TMEM33: variants seen among roughly 807,000 people sequenced by gnomAD.
TMEM33 encodes transmembrane protein 33.
In TMEM33, 16 loss-of-function variants were observed where a neutral mutation model predicts 29.7. The observed-to-expected ratio is 0.54, with a 90% CI of 0.36 to 0.82. The LOEUF (loss-of-function observed/expected upper bound fraction) is 0.82, where lower values mean the gene tolerates loss of function less well. Among genes scored for constraint, TMEM33 ranks in the 40% least tolerant of loss-of-function variants. The pLI is 0.00. For synonymous variants in TMEM33, 112 were observed against 109.4 expected, an observed-to-expected ratio of 1.02 and a Z score of -0.15; for missense variants, 252 against 295.3, an observed-to-expected ratio of 0.85 and a Z score of 1.08.
intron 1 of TMEM33, among the ~76,000 whole-genome samples, chr4:41,937,818 TG>T (rs1712316095): frequency 6.6e-6 from 1 of 151,888 alleles, no homozygotes; most frequent in Non-Finnish European, 1.5e-5. Context: ...ACATAAGTAT[TG>T]GGGGGAAAGC....
upstream of TMEM33, chr4:41,935,354 G>C (rs1296190234): frequency 7.1e-6 from 7 of 979,142 alleles, no homozygotes; most frequent in East Asian, 5.2e-5. Context: ...GTTCCGGCAG[G>C]GTGCATCCGG....
intron 6 of TMEM33, chr4:41,953,661 T>C: frequency 4.6e-6 from 2 of 432,390 alleles, no homozygotes; most frequent in Non-Finnish European, 9.3e-6. Context: ...ATTGGCCTAA[T>C]TTCAGTATTG....
rs1256418207 is a variant in TMEM33, at chr4:41,950,154, G to A, written c.614+769G>A. ...CAGAAGAGTTTGAAGCAGAAAAATG[G>A]GGAAGCAGAGAAATTTTAGGGAATT... On this transcript the variant is annotated intron_variant, in intron 6 of 6. Coordinates refer to ENST00000504986, the MANE Select transcript of TMEM33 (RefSeq NM_018126.3). 2.0e-5 allele frequency among the ~76,000 whole-genome samples: 3 copies of A among 152,052 alleles called. No homozygotes were observed. The East Asian group carries it at 5.8e-4, about 29-fold the overall frequency.
rs1294765140 is a variant in TMEM33, at chr4:41,956,290, C to G, written c.*2091C>G. 1 of 152,164 alleles carries G rather than the reference C, an allele frequency of 6.6e-6. No homozygotes were observed. Among genetic ancestry groups the G allele is most frequent in the Non-Finnish European group, 1.5e-5 (1 of 68,052 alleles). 9.4% of individuals were successfully genotyped at this position (152,164 alleles called of 1,614,324 possible). ...TGCCGGGATTACAGGTGTGAGCCACCGCGCCCTGCCAAGAAGAGTTCTTTT... is the reference window on the plus strand; with the variant it reads ...TGCCGGGATTACAGGTGTGAGCCACGGCGCCCTGCCAAGAAGAGTTCTTTT... On this transcript the variant is annotated 3_prime_UTR_variant, in exon 7 of 7. Transcript: ENST00000504986.
At chr4:41,952,054 T>C (rs1367281171) in intron 6 of TMEM33, among the ~76,000 whole-genome samples, 1 of 152,118 alleles carries the variant, frequency 6.6e-6, no homozygotes, top group South Asian at 2.1e-4. Context: ...TGGAGACTAT[T>C]AGAGTAGTCT....
At position 41,957,066 on chromosome 4, in the gene TMEM33, G is replaced by A. The variant is rs1216556492; in HGVS notation, c.*2867G>A. The A allele has an allele frequency of 6.6e-6, 1 of 152,268 alleles. No individual in the cohort carries two copies. Among genetic ancestry groups the A allele is most frequent in the East Asian group, 1.9e-4 (1 of 5,190 alleles). 9.4% of individuals were successfully genotyped at this position (152,268 alleles called of 1,614,324 possible). A position where few individuals can be genotyped will look rare whatever the true frequency, so the allele number is the denominator to read the frequency against. On this transcript the variant is annotated 3_prime_UTR_variant, in exon 7 of 7. Transcript: ENST00000504986. ...AAGAAGTTCATTTAACATCCAGTGT[G>A]TCTAATTCTTCTGGAAGTGGTGTAG... is the stretch of plus-strand genomic sequence containing the variant.
At chr4:41,946,536 T>A (rs183402386) in intron 5 of TMEM33, among the ~76,000 whole-genome samples, 1 of 152,178 alleles carries the variant, frequency 6.6e-6, no homozygotes, top group Non-Finnish European at 1.5e-5. Context: ...TTCTGAGAAC[T>A]CCAGGACTGG....
chr4:41,958,700 CTTTTTTTTTTTTTT>C lies in TMEM33; in HGVS notation c.*4514_*4527del, dbSNP rs750862386. On this transcript the variant is annotated 3_prime_UTR_variant, in exon 7 of 7. Transcript: ENST00000504986. ...GTAGAGACAACTAGTTTCTCTCGCT[CTTTTTTTTTTTTTT>C]TTTTTTTTTTTTGAGACAGATTCTC... 1 of 93,786 alleles carries C rather than the reference CTTTTTTTTTTTTTT, an allele frequency of 1.1e-5. No individual in the cohort carries two copies. The highest frequency in any genetic ancestry group is 3.4e-4 in the South Asian group (1 of 2,940). The allele number at this position is 93,786 out of a possible 1,614,324, so 5.8% of individuals were successfully genotyped here. A position where few individuals can be genotyped will look rare whatever the true frequency, so the allele number is the denominator to read the frequency against.
chr4:41,945,913 G>A (rs1374785692), intron 5 of TMEM33, among the ~76,000 whole-genome samples: 2 of 144,634 alleles, frequency 1.4e-5, no homozygotes, highest in Middle Eastern at 3.8e-3. Flanking sequence ...GGAAGTTGCA[G>A]TGAGCCCATA....
chr4:41,949,947 G>C (rs186333943), intron 6 of TMEM33, among the ~76,000 whole-genome samples: 2 of 152,150 alleles, frequency 1.3e-5, no homozygotes, highest in African/African-American at 4.8e-5. Context: ...TTTATGTAGA[G>C]CTGTTTTGAC....
chr4:41,948,015 C>T (rs974486834), intron 5 of TMEM33, among the ~76,000 whole-genome samples: 3 of 151,986 alleles, frequency 2.0e-5, no homozygotes, highest in African/African-American at 2.4e-5. Flanking sequence ...AAAAAGATTG[C>T]GGTAATTTAT....
At chr4:41,935,634 T>C in intron 1 of TMEM33, 105 bp downstream of exon 1, 1 of 1,159,154 alleles carries the variant, frequency 8.6e-7, no homozygotes, top group African/African-American at 1.5e-5. Context: ...CATTCAGGAA[T>C]GGGATTAATG....
chr4:41,951,168 C>G (rs1713023308), intron 6 of TMEM33, among the ~76,000 whole-genome samples: 1 of 152,134 alleles, frequency 6.6e-6, no homozygotes. Context: ...TTTTGGATCT[C>G]TAGTGCAGAT....
chr4:41,946,314 T>C (rs1461515608), intron 5 of TMEM33, among the ~76,000 whole-genome samples: 1 of 152,078 alleles, frequency 6.6e-6, no homozygotes, highest in East Asian at 1.9e-4. Context: ...TATTACCTGT[T>C]TTTCATAATT....
At position 41,935,646 on chromosome 4, in the gene TMEM33, G is replaced by A. The variant is rs192743679; in HGVS notation, c.45+117G>A. On this transcript the variant is annotated intron_variant, in intron 1 of 6. Transcript: ENST00000504986. ...GTGCATTCAGGAATGGGATTAATGA[G>A]TTGGGGTGGGGAAGTTGGAGCGGGG... The A allele has an allele frequency of 8.9e-4, 937 of 1,047,942 alleles. 11 individuals carry two copies. The East Asian group carries it at 0.011, about 12-fold the overall frequency. The allele number at this position is 1,047,942 out of a possible 1,614,324, so 64.9% of individuals were successfully genotyped here.
In TMEM33 at chr4:41,955,526, C is replaced by T. The variant is rs556691026; in HGVS notation, c.*1327C>T. The T allele has an allele frequency of 1.3e-5, 2 of 152,708 alleles. No individual in the cohort carries two copies. The highest frequency in any genetic ancestry group is 1.9e-4 in the East Asian group (1 of 5,186). 9.5% of individuals were successfully genotyped at this position (152,708 alleles called of 1,614,324 possible). A position where few individuals can be genotyped will look rare whatever the true frequency, so the allele number is the denominator to read the frequency against. ...GCATGTAATTTGGATTTCTCAAATA[C>T]ATTCATTAGTAATTTATCAGTAACA... On this transcript the variant is annotated 3_prime_UTR_variant, in exon 7 of 7. Transcript: ENST00000504986.
At chr4:41,950,383 G>T (rs898145081) in intron 6 of TMEM33, among the ~76,000 whole-genome samples, 1 of 152,092 alleles carries the variant, frequency 6.6e-6, no homozygotes, top group Admixed American at 6.6e-5. Flanking sequence ...ACAGTAAAAA[G>T]AACTTGAATT....
chr4:41,943,957 T>C (rs897013154), intron 4 of TMEM33, 143 bp downstream of exon 4: 5 of 708,048 alleles, frequency 7.1e-6, no homozygotes, highest in Non-Finnish European at 1.2e-5. Flanking sequence ...TTTGAAAGTT[T>C]TAAGTTTAAA....
chr4:41,946,531 A>G (rs928210632), intron 5 of TMEM33, among the ~76,000 whole-genome samples: 1 of 152,188 alleles, frequency 6.6e-6, no homozygotes. Context: ...CTTTCTTCTG[A>G]GAACTCCAGG....
Sources: allele counts gnomAD v4.1 joint callset (sites outside exome capture counted in the v4.1 genomes callset), GRCh38; gene constraint gnomAD v4.1.1; transcripts MANE v1.5; gene names NCBI Gene and HGNC (gene_info 2026-07-23, HGNC 2026-07-21).